The following RABGAP1 variants were observed in gnomAD, a reference collection of about 807,000 sequenced individuals.
RABGAP1 encodes rab GTPase-activating protein 1.
RABGAP1 carries 23 observed loss-of-function variants against 137.6 expected under a neutral mutation model. The ratio of observed to expected loss-of-function variants is 0.17; its 90% CI spans 0.12 to 0.24. The LOEUF is 0.24. Ranked by LOEUF, RABGAP1 falls within the 10% of genes least tolerant of loss-of-function variation. The probability of loss-of-function intolerance (pLI) is 1.00; values close to 1 mark genes in which losing one functional copy is unlikely to be tolerated. For synonymous variants in RABGAP1, 451 were observed against 450.7 expected, an observed-to-expected ratio of 1.00 and a Z score of -0.01; for missense variants, 906 against 1,275.8, an observed-to-expected ratio of 0.71 and a Z score of 4.42.
the RABGAP1 span, among the ~76,000 whole-genome samples, chr9:122,934,669 CTTTATTTTAT>C: frequency 4.5e-4 from 68 of 149,742 alleles, no homozygotes; most frequent in African/African-American, 1.5e-3. Flanking sequence ...CACTTGACGC[CTTTATTTTAT>C]TTTATTTTAT....
intron 1 of RABGAP1, among the ~76,000 whole-genome samples, chr9:122,945,765 A>G (rs1833913075): frequency 6.6e-6 from 1 of 152,226 alleles, no homozygotes; most frequent in Non-Finnish European, 1.5e-5. Context: ...CTGAAGGTAC[A>G]TTAGCAAGTG....
chr9:123,076,843 T>C (rs956792871), intron 19 of RABGAP1, 81 bp downstream of exon 19: 26 of 914,930 alleles, frequency 2.8e-5, no homozygotes, highest in Non-Finnish European at 3.6e-5. Flanking sequence ...TACATAATTA[T>C]TTATGTATTA....
chr9:123,001,369 C>A (rs892945607), intron 10 of RABGAP1, among the ~76,000 whole-genome samples: 1 of 152,148 alleles, frequency 6.6e-6, no homozygotes. Flanking sequence ...TTTTCTGTTA[C>A]ATAAAATGAA....
In RABGAP1 at chr9:123,104,105, C is replaced by G. The variant is rs888120087; in HGVS notation, c.*892C>G. ...ATTTAATTATGTGGTTATTCGAGCA[C>G]TTAATTTCACTCAAGGTTCATTGGG... On this transcript the variant is annotated 3_prime_UTR_variant, in exon 26 of 26. Coordinates refer to ENST00000373647, the MANE Select transcript of RABGAP1 (RefSeq NM_012197.4). The G allele has an allele frequency of 7.2e-5, 11 of 152,494 alleles. No individual in the cohort carries two copies. Among genetic ancestry groups the G allele is most frequent in the African/African-American group, 2.7e-4 (11 of 41,390 alleles). The allele number at this position is 152,494 out of a possible 1,614,324, so 9.4% of individuals were successfully genotyped here. A position where few individuals can be genotyped will look rare whatever the true frequency, so the allele number is the denominator to read the frequency against.
chr9:122,986,757 A>G (rs1200887888), intron 4 of RABGAP1, among the ~76,000 whole-genome samples: 3 of 152,184 alleles, frequency 2.0e-5, no homozygotes, highest in African/African-American at 4.8e-5. Flanking sequence ...TTCAAAATGG[A>G]GTTTCATGTT....
chr9:123,101,617 C>A lies in RABGAP1; in HGVS notation c.2941C>A (p.Arg981Ser). 6.2e-7 allele frequency: 1 copy of A among 1,613,848 alleles called. No homozygotes were observed. The highest frequency in any genetic ancestry group is 8.5e-7 in the Non-Finnish European group (1 of 1,179,938). The change falls in exon 25 of 26, where the codon CGT (arginine) becomes AGT (serine). Residue 981 changes from arginine to serine, a missense_variant. Arg to Ser is a moderately radical substitution (Grantham distance 110). Transcript: ENST00000373647. ...CCGGGAATTTTTCAACAAAGAAGGGCGTGTAAAAGGCATAAGCTCAACCAA... is the reference window on the plus strand; with the variant it reads ...CCGGGAATTTTTCAACAAAGAAGGGAGTGTAAAAGGCATAAGCTCAACCAA... ...RCREFFNKEG[R>S]VKGISSTKEV...
At chr9:122,966,938 A>G (rs569246427) in intron 2 of RABGAP1, among the ~76,000 whole-genome samples, 68 of 152,334 alleles carry the variant, frequency 4.5e-4, no homozygotes, top group Middle Eastern at 3.4e-3. Flanking sequence ...ACTCACTATC[A>G]TGAGAACAGC....
intron 19 of RABGAP1, among the ~76,000 whole-genome samples, chr9:123,082,584 A>G (rs1218672946): frequency 1.3e-5 from 2 of 152,238 alleles, no homozygotes; most frequent in South Asian, 2.1e-4. Flanking sequence ...AGAAGACCCA[A>G]GAATCATGCT....
chr9:123,014,782 G>T (rs2031090883), intron 11 of RABGAP1, among the ~76,000 whole-genome samples: 1 of 150,298 alleles, frequency 6.7e-6, no homozygotes, highest in South Asian at 2.1e-4. Context: ...TCACAGTTCT[G>T]CAGGGCTGGG....
At chr9:123,010,247 T>C (rs1354444142) in intron 10 of RABGAP1, 107 bp from the exon 11 acceptor site, 6 of 972,450 alleles carry the variant, frequency 6.2e-6, no homozygotes, top group Non-Finnish European at 8.9e-6. Flanking sequence ...TCAGAAGTGA[T>C]TGCAGTGAGC....
intron 6 of RABGAP1, among the ~76,000 whole-genome samples, chr9:122,993,473 T>C (rs1010076891): frequency 1.3e-5 from 2 of 152,128 alleles, no homozygotes; most frequent in Non-Finnish European, 2.9e-5. Flanking sequence ...GGTTTCACCA[T>C]GTTGGCCAGG....
chr9:123,095,429 A>G (rs928589589), intron 21 of RABGAP1, among the ~76,000 whole-genome samples: 2 of 152,128 alleles, frequency 1.3e-5, no homozygotes, highest in Admixed American at 1.3e-4. Context: ...AGCCAGGCAC[A>G]ATGGCTCATG....
chr9:122,943,922 C>T (rs1464000110), intron 1 of RABGAP1, among the ~76,000 whole-genome samples: 1 of 152,016 alleles, frequency 6.6e-6, no homozygotes, highest in East Asian at 1.9e-4. Flanking sequence ...CACTGCACTC[C>T]AGCCTGGGCG....
intron 2 of RABGAP1, among the ~76,000 whole-genome samples, chr9:122,982,906 A>C (rs993159333): frequency 1.3e-5 from 2 of 152,020 alleles, no homozygotes; most frequent in Non-Finnish European, 2.9e-5. Context: ...GTTTTGCTCT[A>C]TCACCCAGGC....
chr9:123,075,876 G>A (rs916331594), intron 17 of RABGAP1, among the ~76,000 whole-genome samples: 10 of 152,198 alleles, frequency 6.6e-5, no homozygotes, highest in Non-Finnish European at 1.2e-4. Flanking sequence ...TATCGACAGA[G>A]TGGTTGCTGT....
chr9:123,069,770 G>A (rs900117816), intron 14 of RABGAP1, among the ~76,000 whole-genome samples: 5 of 152,022 alleles, frequency 3.3e-5, no homozygotes, highest in African/African-American at 1.2e-4. Context: ...TGTGGTCCAG[G>A]CTACTCAGGA....
chr9:122,984,784 T>C (rs977196830), intron 3 of RABGAP1, 65 bp downstream of exon 3: 20 of 1,413,478 alleles, frequency 1.4e-5, no homozygotes, highest in Non-Finnish European at 2.0e-5. Context: ...GTGTCCACCC[T>C]GTACTAGGTT....
intron 2 of RABGAP1, among the ~76,000 whole-genome samples, chr9:122,970,906 T>G (rs10121776): frequency 0.11 from 16,684 of 152,236 alleles, 2,954 homozygotes; most frequent in African/African-American, 0.37. Flanking sequence ...TAGCTGTATT[T>G]ACAAGAAAGT....
chr9:123,059,450 G>A (rs1255546891), intron 13 of RABGAP1, among the ~76,000 whole-genome samples: 1 of 152,172 alleles, frequency 6.6e-6, no homozygotes, highest in Non-Finnish European at 1.5e-5. Context: ...AGCTACTCAG[G>A]AGGCTGAGGC....
Sources: allele counts gnomAD v4.1 joint callset (sites outside exome capture counted in the v4.1 genomes callset), GRCh38; gene constraint gnomAD v4.1.1; transcripts MANE v1.5; gene names NCBI Gene and HGNC (gene_info 2026-07-23, HGNC 2026-07-21).